MESD: variants seen among roughly 807,000 people sequenced by gnomAD.
MESD encodes LRP chaperone MESD.
A neutral mutation model predicts 12.9 loss-of-function variants in MESD; 7 were observed. The observed-to-expected ratio is 0.54, with a 90% CI of 0.31 to 1.02. The LOEUF (loss-of-function observed/expected upper bound fraction) is 1.02. Among genes scored for constraint, MESD ranks in the 50% least tolerant of loss-of-function variants. The pLI is 0.05. For synonymous variants in MESD, 126 were observed against 115.6 expected (o/e 1.09, Z -0.58); for missense variants, 342 against 296.7 (o/e 1.15, Z -1.12).
At chr15:80,986,975 C>G (rs1902750327) in intron 1 of MESD, among the ~76,000 whole-genome samples, 1 of 152,212 alleles carries the variant, frequency 6.6e-6, no homozygotes. Flanking sequence ...AGATGATGTT[C>G]AGAGAGGATA....
At chr15:80,966,913 G>A (rs1902184737) in intron 3 of MESD, among the ~76,000 whole-genome samples, 1 of 152,164 alleles carries the variant, frequency 6.6e-6, no homozygotes, top group Non-Finnish European at 1.5e-5. Flanking sequence ...CAGTTCCGCT[G>A]GTTAAATTCC....
exon 5 of MESD, chr15:80,948,856 A>T: frequency 6.2e-7 from 1 of 1,614,214 alleles, no homozygotes. Flanking sequence ...GACACTGGAC[A>T]CTGAGGATCA....
chr15:80,986,640 T>G, intron 1 of MESD, among the ~76,000 whole-genome samples: 1 of 152,326 alleles, frequency 6.6e-6, no homozygotes, highest in African/African-American at 2.4e-5. Context: ...ATCAGTGTGT[T>G]TATGCTGAAA....
chr15:80,975,146 C>A (rs1366741869), downstream of MESD, among the ~76,000 whole-genome samples: 2 of 150,624 alleles, frequency 1.3e-5, no homozygotes, highest in African/African-American at 4.9e-5. Context: ...GAATCGGAGG[C>A]CGAGGCAGGA....
chr15:80,983,390 G>A (rs1196247639), intron 1 of MESD, among the ~76,000 whole-genome samples: 1 of 152,136 alleles, frequency 6.6e-6, no homozygotes, highest in African/African-American at 2.4e-5. Flanking sequence ...AGTGGTATGG[G>A]CTAGCAATTC....
chr15:80,968,639 TCTTTA>T (rs1396184298), intron 3 of MESD, among the ~76,000 whole-genome samples: 1 of 151,708 alleles, frequency 6.6e-6, no homozygotes, highest in Non-Finnish European at 1.5e-5. Flanking sequence ...AGACCCCACC[TCTTTA>T]CTTTAAAAAT....
chr15:80,985,225 G>A (rs946195654), intron 1 of MESD, among the ~76,000 whole-genome samples: 1 of 152,220 alleles, frequency 6.6e-6, no homozygotes, highest in Non-Finnish European at 1.5e-5. Context: ...ATCACTATGT[G>A]GCCTTGGGCA....
intron 2 of MESD, among the ~76,000 whole-genome samples, chr15:80,980,503 G>A (rs1902546562): frequency 6.6e-6 from 1 of 152,178 alleles, no homozygotes; most frequent in South Asian, 2.1e-4. Context: ...CCACTGAGCA[G>A]AAACTTCTAG....
At chr15:80,975,533 C>T (rs927463955), downstream of MESD, among the ~76,000 whole-genome samples, 1 of 152,004 alleles carries the variant, frequency 6.6e-6, no homozygotes, top group Non-Finnish European at 1.5e-5. Context: ...TATACAAACA[C>T]TATTAAACAA....
In MESD at chr15:80,979,245, C is replaced by G; in HGVS notation, c.679G>C (p.Ala227Pro). The change falls in exon 3 of 3, where the codon GCT (alanine) becomes CCT (proline). Residue 227 changes from alanine to proline, a missense_variant. Ala to Pro is a conservative substitution (Grantham distance 27). Coordinates refer to ENST00000261758, the MANE Select transcript of MESD (RefSeq NM_015154.3). Reference sequence around the variant, plus strand: ...CACAGGTCTTCTCTTTTATTCCCAGCTCGATTTTCTTCCTTGGAAGACCGA... The same window carrying G: ...CACAGGTCTTCTCTTTTATTCCCAGGTCGATTTTCTTCCTTGGAAGACCGA... ...KSRSSKEENR[A>P]GNKREDL is the part of the protein sequence containing the mutation. 6.2e-7 allele frequency: 1 copy of G among 1,613,782 alleles called. No homozygotes were observed. Among genetic ancestry groups the G allele is most frequent in the Non-Finnish European group, 8.5e-7 (1 of 1,179,982 alleles).
chr15:80,970,178 T>C (rs1902255379), intron 3 of MESD, among the ~76,000 whole-genome samples: 1 of 152,174 alleles, frequency 6.6e-6, no homozygotes, highest in African/African-American at 2.4e-5. Flanking sequence ...CAGTGGCAAA[T>C]TAGAGACACA....
chr15:80,981,861 A>AATC (rs947512262), intron 2 of MESD, 89 bp downstream of exon 2: 20 of 1,013,650 alleles, frequency 2.0e-5, no homozygotes, highest in Non-Finnish European at 2.8e-5. Flanking sequence ...GTCTCAAAAA[A>AATC]ATCATCATCA....
intron 3 of MESD, among the ~76,000 whole-genome samples, chr15:80,962,383 G>T (rs71460806): frequency 6.6e-6 from 1 of 152,098 alleles, no homozygotes; most frequent in South Asian, 2.1e-4. Context: ...CTCCCACACA[G>T]TAATAATGGG....
chr15:80,949,826 A>G (rs1351048195), intron 4 of MESD: 2 of 152,224 alleles, frequency 1.3e-5, no homozygotes, highest in Non-Finnish European at 2.9e-5. Flanking sequence ...GCTTACAGGA[A>G]TGAAGGCTGG....
intron 1 of MESD, among the ~76,000 whole-genome samples, chr15:80,986,332 T>C (rs1160315406): frequency 6.6e-6 from 1 of 152,142 alleles, no homozygotes; most frequent in Non-Finnish European, 1.5e-5. Flanking sequence ...AAGAATAAAT[T>C]CTAGTGCTCT....
downstream of MESD, among the ~76,000 whole-genome samples, chr15:80,975,151 G>C (rs1296444897): frequency 2.0e-5 from 3 of 150,598 alleles, no homozygotes; most frequent in Non-Finnish European, 4.4e-5. Flanking sequence ...GGAGGCCGAG[G>C]CAGGAGGATT....
At chr15:80,985,207 T>G (rs973461667) in intron 1 of MESD, among the ~76,000 whole-genome samples, 1 of 152,280 alleles carries the variant, frequency 6.6e-6, no homozygotes, top group Non-Finnish European at 1.5e-5. Flanking sequence ...GTCAGACGGA[T>G]GCGCTCCATC....
downstream of MESD, among the ~76,000 whole-genome samples, chr15:80,974,983 G>A (rs1902373758): frequency 3.3e-5 from 5 of 151,052 alleles, no homozygotes. Flanking sequence ...AACAAACAAA[G>A]AAACATAAAA....
intron 3 of MESD, among the ~76,000 whole-genome samples, chr15:80,958,876 GC>G: frequency 6.6e-6 from 1 of 152,294 alleles, no homozygotes; most frequent in East Asian, 1.9e-4. Flanking sequence ...CTGAGGAAAA[GC>G]CCCTAGAGTA....
Sources: gnomAD v4.1 joint callset for allele counts (sites outside exome capture counted in the v4.1 genomes callset) on GRCh38, gnomAD v4.1.1 for gene constraint, MANE v1.5 for transcripts, NCBI Gene and HGNC (gene_info 2026-07-23, HGNC 2026-07-21) for gene names.